Variants in ARNT2 observed in about 807,000 individuals in gnomAD.
ARNT2 encodes aryl hydrocarbon receptor nuclear translocator 2.
A neutral mutation model predicts 91.7 loss-of-function variants in ARNT2; 36 were observed. The observed-to-expected ratio is 0.39, with a 90% confidence interval of 0.30 to 0.52. The LOEUF (loss-of-function observed/expected upper bound fraction) is 0.52. Among genes scored for constraint, ARNT2 ranks in the 20% least tolerant of loss-of-function variants. The probability of loss-of-function intolerance (pLI) is 0.72; values close to 1 mark genes in which losing one functional copy is unlikely to be tolerated. For missense variants in ARNT2, 775 were observed against 939.3 expected, an observed-to-expected ratio of 0.83 and a Z score of 2.29; for synonymous variants, 365 against 347.1, an observed-to-expected ratio of 1.05 and a Z score of -0.57.
At chr15:80,441,544 G>T (rs1259881783) in intron 1 of ARNT2, among the ~76,000 whole-genome samples, 1 of 152,146 alleles carries the variant, frequency 6.6e-6, no homozygotes, top group Non-Finnish European at 1.5e-5. Context: ...TTAAAATATT[G>T]TGTGTTGTCA....
chr15:80,538,051 G>A (rs1250026476), intron 8 of ARNT2, among the ~76,000 whole-genome samples: 1 of 152,094 alleles, frequency 6.6e-6, no homozygotes, highest in East Asian at 1.9e-4. Flanking sequence ...ATTTGAAACA[G>A]AATGTGTTTA....
intron 13 of ARNT2, 37 bp from the exon 14 acceptor site, chr15:80,574,950 A>G (rs1308474707): frequency 6.2e-7 from 1 of 1,607,096 alleles, no homozygotes; most frequent in East Asian, 2.2e-5. Flanking sequence ...TGCCTTACGC[A>G]TGAGTTGCTG....
At chr15:80,554,953 G>T in intron 10 of ARNT2, 112 bp from the exon 11 acceptor site, 1 of 1,209,422 alleles carries the variant, frequency 8.3e-7, no homozygotes, top group Non-Finnish European at 1.2e-6. Context: ...GGGTGGGACA[G>T]GCTAAAGGAG....
At chr15:80,415,649 G>A (rs986440168) in intron 1 of ARNT2, among the ~76,000 whole-genome samples, 2 of 152,170 alleles carry the variant, frequency 1.3e-5, no homozygotes, top group Non-Finnish European at 1.5e-5. Flanking sequence ...CCCGGTCCAC[G>A]TAACATTGGA....
At chr15:80,412,487 C>A (rs926519811) in intron 1 of ARNT2, among the ~76,000 whole-genome samples, 1 of 119,848 alleles carries the variant, frequency 8.3e-6, no homozygotes, top group Admixed American at 9.9e-5. Context: ...AGACTTTTTT[C>A]TAAATATTGT....
rs1368275867 is a variant in ARNT2 at position 80,435,096 on chromosome 15, A to G, written c.32-15784A>G. Among the ~76,000 whole-genome samples the G allele has an allele frequency of 2.0e-5, 3 of 152,148 alleles. No homozygotes were observed. In the East Asian group the frequency reaches 5.8e-4, roughly 29 times the overall value. Reference sequence around the variant, plus strand: ...CCACGCTCACTGAAGCCCAGTTTCCAGGGAGCTCCCCAATCCCTTAGTGTC... The same window carrying G: ...CCACGCTCACTGAAGCCCAGTTTCCGGGGAGCTCCCCAATCCCTTAGTGTC... On this transcript the variant is annotated intron_variant, in intron 1 of 18. Coordinates refer to ENST00000303329, the MANE Select transcript of ARNT2 (RefSeq NM_014862.4).
At chr15:80,520,175 A>T (rs542167770) in intron 8 of ARNT2, among the ~76,000 whole-genome samples, 1 of 152,252 alleles carries the variant, frequency 6.6e-6, no homozygotes, top group South Asian at 2.1e-4. Flanking sequence ...TTCTGAAGAT[A>T]AAAATGGACA....
chr15:80,508,118 G>A, intron 5 of ARNT2, 38 bp from the exon 6 acceptor site: 1 of 1,607,404 alleles, frequency 6.2e-7, no homozygotes, highest in Non-Finnish European at 8.5e-7. Flanking sequence ...CCCAACCGAA[G>A]GCAGAGGCTT....
chr15:80,545,098 A>G (rs1210617758), intron 8 of ARNT2, among the ~76,000 whole-genome samples: 1 of 152,216 alleles, frequency 6.6e-6, no homozygotes, highest in African/African-American at 2.4e-5. Context: ...CTCCATTGCC[A>G]TGTGGAATCC....
chr15:80,419,608 A>G (rs1185268125), intron 1 of ARNT2, among the ~76,000 whole-genome samples: 1 of 152,226 alleles, frequency 6.6e-6, no homozygotes, highest in Non-Finnish European at 1.5e-5. Context: ...AGGAAGAGGA[A>G]TCAGTGGCCC....
At chr15:80,420,957 T>G (rs1441376904) in intron 1 of ARNT2, among the ~76,000 whole-genome samples, 1 of 152,184 alleles carries the variant, frequency 6.6e-6, no homozygotes, top group Non-Finnish European at 1.5e-5. Context: ...CATGCACACA[T>G]GTTTATTACA....
intron 1 of ARNT2, among the ~76,000 whole-genome samples, chr15:80,425,479 T>C (rs1418001331): frequency 6.6e-6 from 1 of 152,204 alleles, no homozygotes; most frequent in Non-Finnish European, 1.5e-5. Flanking sequence ...GGAGAAACTT[T>C]AGCAGACTGA....
intron 2 of ARNT2, among the ~76,000 whole-genome samples, chr15:80,452,532 AT>A (rs957310108): frequency 4.6e-5 from 7 of 152,076 alleles, no homozygotes; most frequent in African/African-American, 1.2e-4. Flanking sequence ...AACTTAATTG[AT>A]TTTTTTTACA....
chr15:80,597,167 C>T lies in ARNT2; in HGVS notation c.*3469C>T, dbSNP rs1224368946. On this transcript the variant is annotated 3_prime_UTR_variant, in exon 19 of 19. Transcript: ENST00000303329. ...CATGCAAACATCAGTGTCCTTCTAG[C>T]TTTAGCCGAGAAAGAAACCAGTCCC... 1 of 518,660 alleles carries T rather than the reference C, an allele frequency of 1.9e-6. No individual in the cohort carries two copies. Among genetic ancestry groups the T allele is most frequent in the South Asian group, 1.4e-5 (1 of 71,510 alleles). The allele number at this position is 518,660 out of a possible 1,614,324, so 32.1% of individuals were successfully genotyped here.
At chr15:80,518,412 C>T (rs1352133950) in intron 8 of ARNT2, among the ~76,000 whole-genome samples, 1 of 150,508 alleles carries the variant, frequency 6.6e-6, no homozygotes, top group Non-Finnish European at 1.5e-5. Context: ...TCCGAAGTAG[C>T]TGGGACTACA....
chr15:80,528,008 G>T (rs555655850), intron 8 of ARNT2, among the ~76,000 whole-genome samples: 83 of 152,304 alleles, frequency 5.4e-4, no homozygotes, highest in Non-Finnish European at 9.7e-4. Context: ...TTGGATTGAA[G>T]GGAGAGGAGG....
chr15:80,453,929 G>A (rs1436699171), intron 2 of ARNT2, among the ~76,000 whole-genome samples: 1 of 152,128 alleles, frequency 6.6e-6, no homozygotes, highest in Non-Finnish European at 1.5e-5. Flanking sequence ...CAAATTTCCA[G>A]GATAACCCCC....
At chr15:80,456,852 G>T (rs775810255) in intron 2 of ARNT2, among the ~76,000 whole-genome samples, 3 of 151,990 alleles carry the variant, frequency 2.0e-5, no homozygotes, top group African/African-American at 7.3e-5. Context: ...AGCTGTTCAG[G>T]CAAGGAGTTT....
chr15:80,581,415 A>G lies in ARNT2; in HGVS notation c.1918+11A>G. 6.2e-7 allele frequency: 1 copy of G among 1,613,824 alleles called. No homozygotes were observed. Among genetic ancestry groups the G allele is most frequent in the Non-Finnish European group, 8.5e-7 (1 of 1,179,864 alleles). ...GGACTCCAGGGTTCGGTAGGTGGGGAATGAGGGAGTGAGATTCTGGGAAAG... is the reference window on the plus strand; with the variant it reads ...GGACTCCAGGGTTCGGTAGGTGGGGGATGAGGGAGTGAGATTCTGGGAAAG... On this transcript the variant is annotated intron_variant, in intron 17 of 18. Coordinates refer to ENST00000303329, the MANE Select transcript of ARNT2 (RefSeq NM_014862.4).
Sources: allele counts gnomAD v4.1 joint callset (sites outside exome capture counted in the v4.1 genomes callset), GRCh38; gene constraint gnomAD v4.1.1; transcripts MANE v1.5; gene names NCBI Gene and HGNC (gene_info 2026-07-23, HGNC 2026-07-21).